Variants in CARD14 observed in about 807,000 individuals in gnomAD.
The protein encoded by CARD14 is caspase recruitment domain-containing protein 14.
CARD14 carries 107 observed loss-of-function variants against 111.5 expected under a neutral mutation model. That is an observed-to-expected ratio of 0.96 (90% CI 0.82 to 1.13). The LOEUF (loss-of-function observed/expected upper bound fraction) is 1.13. CARD14 is among the 50% of genes most tolerant of loss of function. The probability of loss-of-function intolerance (pLI) is 0.00; values close to 1 mark genes in which losing one functional copy is unlikely to be tolerated. For missense variants in CARD14, 1,322 were observed against 1,362.3 expected, an observed-to-expected ratio of 0.97 and a Z score of 0.47; for synonymous variants, 617 against 579.6, an observed-to-expected ratio of 1.06 and a Z score of -0.93.
At chr17:80,187,926 A>G (rs2040399036) in intron 7 of CARD14, 1 of 985,752 alleles carries the variant, frequency 1.0e-6, no homozygotes, top group Non-Finnish European at 1.2e-6. Flanking sequence ...GTTCCCAGGC[A>G]CGTCTACCCC....
In CARD14 at chr17:80,189,899, T is replaced by G. The variant is rs769219558; in HGVS notation, c.963+27T>G. The G allele has an allele frequency of 6.3e-7, 1 of 1,588,090 alleles. No homozygotes were observed. Among genetic ancestry groups the G allele is most frequent in the Non-Finnish European group, 8.5e-7 (1 of 1,170,476 alleles). On this transcript the variant is annotated intron_variant, in intron 9 of 23. Transcript: ENST00000648509. The surrounding 1 kb of genome is among the most constrained non-coding windows in gnomAD (Gnocchi z 4.7). ...TGCCGTGTGAGCCCTTCCTCCCTTG[T>G]GACTCTCCTGGGGCTTGTCTCAGGG...
At position 80,195,043 on chromosome 17, in the gene CARD14, A is replaced by G. The variant is rs1290650326; in HGVS notation, c.1357-148A>G. The G allele has an allele frequency of 4.1e-6, 4 of 967,920 alleles. No homozygotes were observed. The African/African-American group carries it at 4.9e-5, about 12-fold the overall frequency. 60.0% of individuals were successfully genotyped at this position (967,920 alleles called of 1,614,324 possible). A position where few individuals can be genotyped will look rare whatever the true frequency, so the allele number is the denominator to read the frequency against. On this transcript the variant is annotated intron_variant, in intron 12 of 23. Transcript: ENST00000648509. This position sits in a 1 kb window ranked among gnomAD's most constrained non-coding sequence, Gnocchi z 4.7. ...CTGGCATACAGCAGGTGCTCAGCGCATGTGACCCCATGTGTGTCCTTCTTT... is the reference window on the plus strand; with the variant it reads ...CTGGCATACAGCAGGTGCTCAGCGCGTGTGACCCCATGTGTGTCCTTCTTT...
chr17:80,196,556 C>T (rs2040719323), intron 14 of CARD14: 1 of 152,174 alleles, frequency 6.6e-6, no homozygotes, highest in Admixed American at 6.5e-5. Context: ...GAATGTGATC[C>T]CAATGGGTTT....
chr17:80,205,608 C>T lies in CARD14; in HGVS notation c.2647C>T (p.Arg883Cys), dbSNP rs750673515. ...CCAGGAGGGAGAGGTGTCCGGGGGC[C>T]GCTGCTGGGTGACCCGCCATGCTGT... ...IIQEGEVSGG[R>C]CWVTRHAVES... is the part of the protein sequence containing the mutation. Residue 883 changes from arginine (R) to cysteine (C), a missense_variant, in exon 22 of 24, where the codon CGC (arginine) becomes TGC (cysteine). Arg to Cys is a radical substitution (Grantham distance 180). Transcript: ENST00000648509. The T allele has an allele frequency of 1.2e-5, 18 of 1,551,370 alleles. No individual in the cohort carries two copies. The highest frequency in any genetic ancestry group is 1.7e-4 in the Middle Eastern group (1 of 5,846).
Position 80,201,880 on chromosome 17 carries a change from C to T in CARD14, c.1978+10C>T. 1.9e-6 allele frequency: 3 copies of T among 1,605,930 alleles called. No individual in the cohort carries two copies. The highest frequency in any genetic ancestry group is 1.1e-5 in the South Asian group (1 of 90,084). On this transcript the variant is annotated intron_variant, in intron 17 of 23. Transcript: ENST00000648509. The surrounding 1 kb of genome is among the most constrained non-coding windows in gnomAD (Gnocchi z 5.0). ...AAGGTCAACACGGACGGTACACATA[C>T]CACTCCTCTCGTGTGCACAGCTGCC...
At chr17:80,187,250 C>T (rs547374496) in intron 7 of CARD14, among the ~76,000 whole-genome samples, 8 of 152,338 alleles carry the variant, frequency 5.3e-5, no homozygotes, top group African/African-American at 1.9e-4. Flanking sequence ...TCTGCCCATA[C>T]CACTGCCATT....
intron 9 of CARD14, 150 bp downstream of exon 9, chr17:80,190,022 G>A (rs1455592071): frequency 2.7e-6 from 3 of 1,112,900 alleles, no homozygotes; most frequent in Non-Finnish European, 3.7e-6. Flanking sequence ...CTGTCCCTTT[G>A]TCAGCGCCAC....
intron 2 of CARD14, among the ~76,000 whole-genome samples, chr17:80,176,860 A>T (rs1178327934): frequency 6.6e-6 from 1 of 152,212 alleles, no homozygotes; most frequent in East Asian, 1.9e-4. Context: ...GTGGAGGCCC[A>T]GGAGCTCAGG....
chr17:80,195,192 C>G lies in CARD14; in HGVS notation c.1358C>G (p.Ser453Cys), dbSNP rs199793195. The G allele has an allele frequency of 3.6e-5, 57 of 1,601,484 alleles. No homozygotes were observed. Among genetic ancestry groups the G allele is most frequent in the Non-Finnish European group, 1.0e-5 (12 of 1,172,142 alleles). The stretch of plus-strand genomic sequence containing the variant: ...TGACTTCTGCCCTCCCTCCTCCAGT[C>G]TCAGCTCTTGTCGGACCTGAGTGCC... ...SDCSLVSSTE[S>C]QLLSDLSATS... The change falls in exon 13 of 24, where the codon TCT becomes TGT. Residue 453 changes from serine (S) to cysteine (C), a missense_variant and splice_region_variant. Coordinates refer to ENST00000648509, the MANE Select transcript of CARD14 (RefSeq NM_001366385.1). The surrounding 1 kb of genome is among the most constrained non-coding windows in gnomAD (Gnocchi z 4.7).
At chr17:80,192,237 T>C in intron 11 of CARD14, 1 of 354,072 alleles carries the variant, frequency 2.8e-6, no homozygotes, top group African/African-American at 2.1e-5. Context: ...TATTATACAT[T>C]ATTCGTAAAA....
chr17:80,173,324 ACGCG>A (rs72343313), intron 2 of CARD14, 96 bp downstream of exon 2: 19,845 of 111,662 alleles, frequency 0.18, 1,609 homozygotes, highest in Non-Finnish European at 0.25. Context: ...ACACACACAC[ACGCG>A]CGCGCGCGCG....
intron 2 of CARD14, among the ~76,000 whole-genome samples, chr17:80,174,529 A>T (rs1434660648): frequency 2.0e-5 from 3 of 152,182 alleles, no homozygotes; most frequent in African/African-American, 7.2e-5. Flanking sequence ...TATTTTAGAT[A>T]GCACAGGGTC....
At chr17:80,199,104 G>A (rs549587857) in intron 16 of CARD14, among the ~76,000 whole-genome samples, 236 of 152,154 alleles carry the variant, frequency 1.6e-3, no homozygotes, top group African/African-American at 4.4e-3. Context: ...ACAAGCATGC[G>A]CTACCGTGCC....
Position 80,182,739 on chromosome 17 carries a change from T to C in CARD14, c.298T>C (p.Tyr100His). ...CCTGAAGTTCCACAACCCTGACGTC[T>C]ACACCCTGGTCACCGGGCTGCAGCC... ...ESLKFHNPDV[Y>H]TLVTGLQPDV... The change falls in exon 6 of 24, where the codon TAC becomes CAC. Residue 100 changes from tyrosine to histidine, a missense_variant. Tyr to His is a moderately conservative substitution (Grantham distance 83, BLOSUM62 2). Transcript: ENST00000648509. This position sits in a 1 kb window ranked among gnomAD's most constrained non-coding sequence, Gnocchi z 4.7. 1.9e-6 allele frequency: 3 copies of C among 1,614,186 alleles called. No individual in the cohort carries two copies. The highest frequency in any genetic ancestry group is 2.5e-6 in the Non-Finnish European group (3 of 1,180,008).
Position 80,209,330 on chromosome 17 carries a change from T to C in CARD14, c.*985T>C, listed in dbSNP as rs530225549. 4 of 985,310 alleles carry C rather than the reference T, an allele frequency of 4.1e-6. No individual in the cohort carries two copies. The highest frequency in any genetic ancestry group is 6.1e-5 in the Admixed American group (1 of 16,280). The allele number at this position is 985,310 out of a possible 1,614,324, so 61.0% of individuals were successfully genotyped here. On this transcript the variant is annotated 3_prime_UTR_variant, in exon 24 of 24. Transcript: ENST00000648509. Reference sequence around the variant, plus strand: ...TTACTAAAATAAAAAGCTTTTACAATAGCTGGCCTGTGGCCTCCTCCAGCC... The same window carrying C: ...TTACTAAAATAAAAAGCTTTTACAACAGCTGGCCTGTGGCCTCCTCCAGCC...
In CARD14 at chr17:80,207,573, C is replaced by T. The variant is rs55737741; in HGVS notation, c.2807+488C>T. 4.8e-3 allele frequency: 743 copies of T among 154,890 alleles called. 5 individuals are homozygous for T. The highest frequency in any genetic ancestry group is 0.017 in the African/African-American group (721 of 41,366). The allele number at this position is 154,890 out of a possible 1,614,324, so 9.6% of individuals were successfully genotyped here. A position where few individuals can be genotyped will look rare whatever the true frequency, so the allele number is the denominator to read the frequency against. On this transcript the variant is annotated intron_variant, in intron 23 of 23. Coordinates refer to ENST00000648509, the MANE Select transcript of CARD14 (RefSeq NM_001366385.1). ...CAACAAAACAAAACAACAACAACAA[C>T]AACTGCTCTGATTTCACGCTTACCA...
Position 80,189,998 on chromosome 17 carries a change from G to A in CARD14, c.963+126G>A. ...TCACATAATTTTGCTGAACGAATCT[G>A]TCGGCCTGTTCATCTGTCCCTTTGT... On this transcript the variant is annotated intron_variant, in intron 9 of 23. Coordinates refer to ENST00000648509, the MANE Select transcript of CARD14 (RefSeq NM_001366385.1). This position sits in a 1 kb window ranked among gnomAD's most constrained non-coding sequence, Gnocchi z 4.7. 7.6e-7 allele frequency: 1 copy of A among 1,320,464 alleles called. No individual in the cohort carries two copies. Among genetic ancestry groups the A allele is most frequent in the South Asian group, 1.5e-5 (1 of 65,980 alleles). The allele number at this position is 1,320,464 out of a possible 1,614,324, so 81.8% of individuals were successfully genotyped here. A position where few individuals can be genotyped will look rare whatever the true frequency, so the allele number is the denominator to read the frequency against.
intron 11 of CARD14, among the ~76,000 whole-genome samples, chr17:80,191,718 A>G (rs1598657682): frequency 1.3e-5 from 2 of 152,336 alleles, no homozygotes; most frequent in East Asian, 1.9e-4. Flanking sequence ...CTGCCTCCAT[A>G]TCATCGAATG....
At position 80,195,230 on chromosome 17, in the gene CARD14, G is replaced by A. The variant is rs140734867; in HGVS notation, c.1396G>A (p.Glu466Lys). The A allele has an allele frequency of 2.2e-5, 35 of 1,611,440 alleles. No homozygotes were observed. The highest frequency in any genetic ancestry group is 6.7e-5 in the African/African-American group (5 of 74,900). Reference protein sequence around the residue: ...LSDLSATSSRELVDSFRSSSP... With the variant: ...LSDLSATSSRKLVDSFRSSSP... ...GGACCTGAGTGCCACGTCCAGCCGC[G>A]AGCTGGTGGACAGCTTCCGCTCCAG... The change falls in exon 13 of 24, where the codon GAG becomes AAG. Residue 466 changes from glutamate to lysine, a missense_variant. By Grantham distance (56) the Glu-to-Lys change is moderately conservative. Transcript: ENST00000648509. This position sits in a 1 kb window ranked among gnomAD's most constrained non-coding sequence, Gnocchi z 4.7.
Sources: allele counts gnomAD v4.1 joint callset (sites outside exome capture counted in the v4.1 genomes callset), GRCh38; gene constraint gnomAD v4.1.1; non-coding constraint Gnocchi (gnomAD v3.1); transcripts MANE v1.5; gene names NCBI Gene and HGNC (gene_info 2026-07-23, HGNC 2026-07-21).